CCM2: variants seen among roughly 807,000 people sequenced by gnomAD.
The protein encoded by CCM2 is CCM2 scaffold protein.
CCM2 carries 25 observed loss-of-function variants against 44.9 expected under a neutral mutation model. The ratio of observed to expected loss-of-function variants is 0.56; its 90% confidence interval spans 0.41 to 0.78. CCM2 has a LOEUF of 0.78. CCM2 is among the 30% of genes least tolerant of loss of function. The probability of loss-of-function intolerance (pLI) is 0.00; values close to 1 mark genes in which losing one functional copy is unlikely to be tolerated. For missense variants in CCM2, 481 were observed against 580.6 expected (o/e 0.83, Z 1.76); for synonymous variants, 219 against 241.1 (o/e 0.91, Z 0.85).
At chr7:45,069,995 C>T in intron 6 of CCM2, 34 bp downstream of exon 6, 1 of 1,611,180 alleles carries the variant, frequency 6.2e-7, no homozygotes, top group Non-Finnish European at 8.5e-7. Context: ...CGGGTGGGAG[C>T]AGGGACAGGA....
chr7:45,041,930 C>T (rs1797523045), intron 2 of CCM2, among the ~76,000 whole-genome samples: 1 of 152,148 alleles, frequency 6.6e-6, no homozygotes, highest in Non-Finnish European at 1.5e-5. Flanking sequence ...GGAAGGAGCC[C>T]TCCACGCAGG....
intron 2 of CCM2, among the ~76,000 whole-genome samples, chr7:45,057,426 G>T (rs1014743374): frequency 9.9e-5 from 15 of 152,014 alleles, no homozygotes; most frequent in Non-Finnish European, 2.1e-4. Context: ...CTCCCAAAGT[G>T]CTAGGATTAC....
intron 8 of CCM2, 190 bp from the exon 9 acceptor site, chr7:45,074,080 C>A: frequency 7.6e-7 from 1 of 1,320,092 alleles, no homozygotes; most frequent in Non-Finnish European, 1.0e-6. Flanking sequence ...TTGGTCTCCT[C>A]TGGGTGGCCC....
chr7:45,042,436 A>G (rs765161537), intron 2 of CCM2, among the ~76,000 whole-genome samples: 3 of 152,186 alleles, frequency 2.0e-5, no homozygotes, highest in Non-Finnish European at 4.4e-5. Context: ...AGATTCAGAA[A>G]GCTGAGCAAA....
intron 1 of CCM2, among the ~76,000 whole-genome samples, chr7:45,004,620 T>C (rs554256207): frequency 6.6e-4 from 101 of 152,304 alleles, no homozygotes; most frequent in African/African-American, 2.2e-3. Context: ...GATGCAGACA[T>C]AAATGTGTGT....
At chr7:45,003,151 C>T (rs960760986) in intron 1 of CCM2, among the ~76,000 whole-genome samples, 14 of 152,182 alleles carry the variant, frequency 9.2e-5, no homozygotes, top group African/African-American at 3.4e-4. Context: ...TCTCAGCTCA[C>T]TGCAACCTCC....
intron 2 of CCM2, among the ~76,000 whole-genome samples, chr7:45,050,422 A>G (rs1008288118): frequency 2.0e-5 from 3 of 152,226 alleles, no homozygotes; most frequent in African/African-American, 7.2e-5. Context: ...GCCATATTGT[A>G]TGAGGAACTT....
At chr7:45,010,850 G>A (rs73319238) in intron 1 of CCM2, among the ~76,000 whole-genome samples, 5,935 of 152,136 alleles carry the variant, frequency 0.039, 382 homozygotes, top group African/African-American at 0.14. Context: ...CACTTGCCAC[G>A]GCCTCCCAGT....
intron 7 of CCM2, chr7:45,073,105 C>T (rs1055916301): frequency 1.7e-6 from 1 of 583,006 alleles, no homozygotes; most frequent in Non-Finnish European, 3.1e-6. Context: ...CAGCCCATCT[C>T]TGCCACCACC....
chr7:45,041,740 T>A (rs1380808991), intron 2 of CCM2, among the ~76,000 whole-genome samples: 1 of 152,178 alleles, frequency 6.6e-6, no homozygotes, highest in Non-Finnish European at 1.5e-5. Flanking sequence ...ATAGGGACCA[T>A]GGACTTTTAT....
At chr7:45,047,362 C>G (rs746909098) in intron 2 of CCM2, among the ~76,000 whole-genome samples, 1 of 152,212 alleles carries the variant, frequency 6.6e-6, no homozygotes, top group African/African-American at 2.4e-5. Context: ...TCCATCCATG[C>G]CACAGAAGAC....
chr7:45,031,297 G>C (rs557397980), intron 1 of CCM2, among the ~76,000 whole-genome samples: 1 of 149,560 alleles, frequency 6.7e-6, no homozygotes, highest in Non-Finnish European at 1.5e-5. Flanking sequence ...CAGGAGAATC[G>C]CTTGAGCCCG....
intron 1 of CCM2, among the ~76,000 whole-genome samples, chr7:45,028,507 A>C (rs1796795832): frequency 6.6e-6 from 1 of 151,932 alleles, no homozygotes; most frequent in Non-Finnish European, 1.5e-5. Flanking sequence ...AATACAAAAA[A>C]ATTGCCGGGT....
chr7:45,052,340 G>A (rs894646728), intron 2 of CCM2, among the ~76,000 whole-genome samples: 8 of 152,216 alleles, frequency 5.3e-5, no homozygotes, highest in African/African-American at 1.4e-4. Flanking sequence ...GGTCTGCCAC[G>A]GTGAAGGGCT....
At chr7:45,013,010 AT>A (rs1796125820) in intron 1 of CCM2, among the ~76,000 whole-genome samples, 1 of 152,002 alleles carries the variant, frequency 6.6e-6, no homozygotes, top group South Asian at 2.1e-4. Context: ...TGATGTCATT[AT>A]GTTTAAGTCT....
chr7:45,001,449 CACA>C (rs1428558418), intron 1 of CCM2, among the ~76,000 whole-genome samples: 1 of 152,256 alleles, frequency 6.6e-6, no homozygotes, highest in Non-Finnish European at 1.5e-5. Context: ...GCGTGCTGCG[CACA>C]GAAGAGGGAG....
At chr7:45,070,260 C>A in intron 6 of CCM2, 1 of 426,376 alleles carries the variant, frequency 2.3e-6, no homozygotes, top group Non-Finnish European at 4.4e-6. Flanking sequence ...TAACTCGGAA[C>A]AAAGAGCTTG....
chr7:45,005,071 A>G (rs1311428205), intron 1 of CCM2, among the ~76,000 whole-genome samples: 1 of 151,416 alleles, frequency 6.6e-6, no homozygotes, highest in African/African-American at 2.4e-5. Flanking sequence ...ACTTGGGTTC[A>G]GAAGGTGAAT....
intron 1 of CCM2, among the ~76,000 whole-genome samples, chr7:45,026,831 T>TA (rs1796710697): frequency 6.6e-6 from 1 of 151,946 alleles, no homozygotes; most frequent in African/African-American, 2.4e-5. Context: ...TCGAACTTCT[T>TA]ACCTCAGGTG....
Sources: allele counts gnomAD v4.1 joint callset (sites outside exome capture counted in the v4.1 genomes callset), GRCh38; gene constraint gnomAD v4.1.1; transcripts MANE v1.5; gene names NCBI Gene and HGNC (gene_info 2026-07-23, HGNC 2026-07-21).